ZNF536: variants seen among roughly 807,000 people sequenced by gnomAD.
ZNF536 encodes zinc finger protein 536.
ZNF536 carries 13 observed loss-of-function variants against 84.5 expected under a neutral mutation model. That is an observed-to-expected ratio of 0.15 (90% CI 0.10 to 0.24). The LOEUF is 0.24. Among genes scored for constraint, ZNF536 ranks in the 10% least tolerant of loss-of-function variants. The pLI is 1.00. For missense variants in ZNF536, 1,536 were observed against 1,747.5 expected (o/e 0.88, Z 2.16); for synonymous variants, 811 against 742.5 (o/e 1.09, Z -1.50).
chr19:30,558,847 G>A (rs1304298488), downstream of ZNF536, among the ~76,000 whole-genome samples: 2 of 145,426 alleles, frequency 1.4e-5, no homozygotes, highest in African/African-American at 2.8e-5. Context: ...CTGGGGGTAG[G>A]ACACAATCTC....
At chr19:30,522,365 CA>C (rs2044396367) in intron 2 of ZNF536, among the ~76,000 whole-genome samples, 2 of 146,984 alleles carry the variant, frequency 1.4e-5, no homozygotes, top group Admixed American at 6.9e-5. Flanking sequence ...AGCATTTATT[CA>C]AAAAAATTTT....
At chr19:30,550,994 G>A (rs554997890) in intron 4 of ZNF536, among the ~76,000 whole-genome samples, 31 of 151,950 alleles carry the variant, frequency 2.0e-4, no homozygotes, top group South Asian at 1.5e-3. Flanking sequence ...AGGGAAAAAA[G>A]CGTTTTATGT....
intron 2 of ZNF536, among the ~76,000 whole-genome samples, chr19:30,478,130 A>G (rs1013093839): frequency 1.3e-5 from 2 of 149,804 alleles, no homozygotes; most frequent in Non-Finnish European, 3.0e-5. Flanking sequence ...CATTTAAGAA[A>G]GATGGTTCAT....
At chr19:30,436,632 CT>C in intron 1 of ZNF536, 1 of 357,310 alleles carries the variant, frequency 2.8e-6, no homozygotes, top group Non-Finnish European at 3.9e-6. Context: ...GTGTATTATG[CT>C]TATAACAACC....
At chr19:30,240,733 G>A (rs997538491) in intron 1 of ZNF536, among the ~76,000 whole-genome samples, 1 of 152,244 alleles carries the variant, frequency 6.6e-6, no homozygotes, top group South Asian at 2.1e-4. Flanking sequence ...ACCGTCTCCT[G>A]AAGGGTATGA....
chr19:30,543,975 C>T (rs748130227), intron 3 of ZNF536, among the ~76,000 whole-genome samples: 2 of 152,130 alleles, frequency 1.3e-5, no homozygotes, highest in African/African-American at 2.4e-5. Flanking sequence ...CCCCTGTGCC[C>T]CTTGTTGGAT....
At chr19:30,273,279 G>A (rs1427605253) in intron 1 of ZNF536, among the ~76,000 whole-genome samples, 1 of 152,182 alleles carries the variant, frequency 6.6e-6, no homozygotes, top group African/African-American at 2.4e-5. Context: ...GAGCATGATT[G>A]CTGGATTGCT....
chr19:30,274,287 A>G (rs1248345643), intron 1 of ZNF536, among the ~76,000 whole-genome samples: 1 of 152,264 alleles, frequency 6.6e-6, no homozygotes, highest in Non-Finnish European at 1.5e-5. Flanking sequence ...TTATTTTGCT[A>G]AGCTCAGAAT....
At chr19:30,446,791 C>T (rs1488576415) in intron 2 of ZNF536, among the ~76,000 whole-genome samples, 1 of 146,468 alleles carries the variant, frequency 6.8e-6, no homozygotes, top group Non-Finnish European at 1.5e-5. Flanking sequence ...AGCTTCCTGG[C>T]CCAGTTTAAA....
At chr19:30,639,011 T>G (rs1440369490) in intron 1 of ZNF536, among the ~76,000 whole-genome samples, 2 of 152,228 alleles carry the variant, frequency 1.3e-5, no homozygotes, top group African/African-American at 4.8e-5. Flanking sequence ...ATATCAGGTA[T>G]AGTTATTCTA....
chr19:30,627,678 CA>C (rs1252496717), intron 1 of ZNF536, among the ~76,000 whole-genome samples: 8 of 152,030 alleles, frequency 5.3e-5, no homozygotes, highest in African/African-American at 1.7e-4. Context: ...AGGGGTTCCG[CA>C]GATTCTCTGA....
chr19:30,681,905 C>T (rs548865800), intron 1 of ZNF536, among the ~76,000 whole-genome samples: 4 of 152,058 alleles, frequency 2.6e-5, no homozygotes, highest in Admixed American at 6.5e-5. Context: ...CTCCAACAGA[C>T]GTTAATTGTG....
chr19:30,278,324 T>G (rs2045313736), intron 1 of ZNF536, among the ~76,000 whole-genome samples: 1 of 152,118 alleles, frequency 6.6e-6, no homozygotes, highest in Non-Finnish European at 1.5e-5. Flanking sequence ...TCCACAGGCA[T>G]GGACCATAGG....
chr19:30,508,820 C>CTTTTTTTTTTTTTTTTTTTTT lies in ZNF536; in HGVS notation c.2171-26022_2171-26002dup, dbSNP rs914349353. On this transcript the variant is annotated intron_variant, in intron 2 of 4. Coordinates refer to ENST00000355537, the MANE Select transcript of ZNF536 (RefSeq NM_014717.3). ...TCTTTTCTCTTTTCTTTCTTTCTTT[C>CTTTTTTTTTTTTTTTTTTTTT]TTTTTTTTTTTTTTTTTTTTTTTTT... 2.6e-4 allele frequency among the ~76,000 whole-genome samples: 18 copies of CTTTTTTTTTTTTTTTTTTTTT among 68,770 alleles called. 2 individuals carry two copies. The highest frequency in any genetic ancestry group is 3.7e-4 in the Non-Finnish European group (14 of 37,638). The allele number at this position is 68,770 out of a possible 152,430, so 45.1% of individuals were successfully genotyped here. A position where few individuals can be genotyped will look rare whatever the true frequency, so the allele number is the denominator to read the frequency against.
Position 30,411,867 on chromosome 19 carries a change from TA to T in ZNF536, c.-2-31687del, listed in dbSNP as rs777946134. ...TTGACTTGGATTTATAGATTAATTT[TA>T]AAAAAATTTATGTATTTATGATATC... On this transcript the variant is annotated intron_variant, in intron 1 of 4. Transcript: ENST00000355537. Among the ~76,000 whole-genome samples the T allele has an allele frequency of 1.2e-3, 178 of 152,204 alleles. 1 individual carries two copies. The highest frequency in any genetic ancestry group is 4.2e-3 in the African/African-American group (175 of 41,572).
intron 2 of ZNF536, among the ~76,000 whole-genome samples, chr19:30,334,219 A>G (rs1479466841): frequency 2.0e-5 from 3 of 152,218 alleles, no homozygotes; most frequent in Non-Finnish European, 4.4e-5. Context: ...AAGAGTCATG[A>G]TTCTGGAAGT....
intron 2 of ZNF536, among the ~76,000 whole-genome samples, chr19:30,296,647 C>T (rs537532500): frequency 7.2e-5 from 11 of 152,284 alleles, no homozygotes; most frequent in African/African-American, 2.4e-4. Flanking sequence ...TGCTCTCTAC[C>T]CCCAGGGAGC....
At chr19:30,508,820 C>CTTTTTTTTTT (rs914349353) in intron 2 of ZNF536, among the ~76,000 whole-genome samples, 38 of 68,790 alleles carry the variant, frequency 5.5e-4, no homozygotes, top group Non-Finnish European at 6.1e-4. Flanking sequence ...TTCTTTCTTT[C>CTTTTTTTTTT]TTTTTTTTTT....
At chr19:30,478,155 G>GTTT (rs35858645) in intron 2 of ZNF536, among the ~76,000 whole-genome samples, 2 of 134,806 alleles carry the variant, frequency 1.5e-5, no homozygotes, top group Admixed American at 7.3e-5. Context: ...AATCCTTGGT[G>GTTT]TTTTTTTTTT....
Sources: allele counts gnomAD v4.1 joint callset (sites outside exome capture counted in the v4.1 genomes callset), GRCh38; gene constraint gnomAD v4.1.1; transcripts MANE v1.5; gene names NCBI Gene and HGNC (gene_info 2026-07-23, HGNC 2026-07-21).